NETO2: variants seen among roughly 807,000 people sequenced by gnomAD.
NETO2 encodes the protein neuropilin and tolloid like 2.
A neutral mutation model predicts 62.5 loss-of-function variants in NETO2; 28 were observed. The ratio of observed to expected loss-of-function variants is 0.45; its 90% CI spans 0.33 to 0.61. The LOEUF (loss-of-function observed/expected upper bound fraction) is 0.61. Among genes scored for constraint, NETO2 ranks in the 20% least tolerant of loss-of-function variants. The pLI is 0.02. For synonymous variants in NETO2, 214 were observed against 219.1 expected, an observed-to-expected ratio of 0.98 and a Z score of 0.21; for missense variants, 548 against 643.2, an observed-to-expected ratio of 0.85 and a Z score of 1.60.
Position 47,080,072 on chromosome 16 carries a change from G to GTCTT in NETO2, c.*3145_*3148dup. On this transcript the variant is annotated 3_prime_UTR_variant, in exon 9 of 9. Transcript: ENST00000562435. ...ACATAAGCGCTGTCGGGTTAAAGGAGTCTTTGAAATCTCTTTTGTGATGTG... is the reference window on the plus strand; with the variant it reads ...ACATAAGCGCTGTCGGGTTAAAGGAGTCTTTCTTTGAAATCTCTTTTGTGATGTG... 6.6e-6 allele frequency: 1 copy of GTCTT among 152,296 alleles called. No homozygotes were observed. Among genetic ancestry groups the GTCTT allele is most frequent in the East Asian group, 1.9e-4 (1 of 5,190 alleles). 9.4% of individuals were successfully genotyped at this position (152,296 alleles called of 1,614,324 possible).
intron 7 of NETO2, among the ~76,000 whole-genome samples, chr16:47,106,235 T>C (rs1963671488): frequency 6.6e-6 from 1 of 152,130 alleles, no homozygotes; most frequent in Non-Finnish European, 1.5e-5. Flanking sequence ...GATTCTACTA[T>C]GAGTTACCCA....
At chr16:47,129,860 G>A (rs1195834165) in intron 2 of NETO2, among the ~76,000 whole-genome samples, 1 of 152,144 alleles carries the variant, frequency 6.6e-6, no homozygotes. Flanking sequence ...TTTTTAAAAG[G>A]GTATAAACTC....
intron 6 of NETO2, among the ~76,000 whole-genome samples, chr16:47,111,421 T>C (rs1963798701): frequency 6.6e-6 from 1 of 152,240 alleles, no homozygotes; most frequent in African/African-American, 2.4e-5. Flanking sequence ...TCACAGCACT[T>C]TTCTACTGTA....
intron 6 of NETO2, among the ~76,000 whole-genome samples, chr16:47,114,196 G>C (rs975151848): frequency 6.6e-6 from 1 of 152,046 alleles, no homozygotes; most frequent in African/African-American, 2.4e-5. Context: ...ATGGAGAATA[G>C]TGCCATCTCA....
chr16:47,135,832 AAAG>A (rs1460593849), intron 1 of NETO2, among the ~76,000 whole-genome samples: 1 of 152,188 alleles, frequency 6.6e-6, no homozygotes, highest in Non-Finnish European at 1.5e-5. Context: ...TAAATACTGG[AAAG>A]AAGACAAAAT....
At chr16:47,097,253 T>C (rs1188970602) in intron 7 of NETO2, among the ~76,000 whole-genome samples, 1 of 152,160 alleles carries the variant, frequency 6.6e-6, no homozygotes, top group Non-Finnish European at 1.5e-5. Flanking sequence ...CACGGGGCCC[T>C]TCAGACGAAG....
At chr16:47,108,802 G>A (rs1001024621) in intron 7 of NETO2, among the ~76,000 whole-genome samples, 1 of 152,162 alleles carries the variant, frequency 6.6e-6, no homozygotes, top group Non-Finnish European at 1.5e-5. Flanking sequence ...GTTTTACTCT[G>A]GCTTTGAGAG....
intron 7 of NETO2, among the ~76,000 whole-genome samples, chr16:47,101,169 C>T (rs1225528377): frequency 2.0e-5 from 3 of 151,188 alleles, no homozygotes; most frequent in African/African-American, 7.2e-5. Flanking sequence ...CATAAACAGA[C>T]CCAATGAGAA....
In NETO2 at chr16:47,079,582, G is replaced by T. The variant is rs971894541; in HGVS notation, c.*3639C>A. Reference sequence around the variant, plus strand: ...TGCACTCCAGCCTGGGCGACAGAGCGAGACTCCGTCTCAAAAAAGAAAAAA... The same window carrying T: ...TGCACTCCAGCCTGGGCGACAGAGCTAGACTCCGTCTCAAAAAAGAAAAAA... On this transcript the variant is annotated 3_prime_UTR_variant, in exon 9 of 9. Transcript: ENST00000562435. The T allele has an allele frequency of 2.6e-5, 4 of 152,528 alleles. No homozygotes were observed. Among genetic ancestry groups the T allele is most frequent in the Admixed American group, 2.6e-4 (4 of 15,306 alleles). 9.4% of individuals were successfully genotyped at this position (152,528 alleles called of 1,614,324 possible).
intron 7 of NETO2, among the ~76,000 whole-genome samples, chr16:47,105,558 A>G (rs991314030): frequency 1.3e-5 from 2 of 152,188 alleles, no homozygotes; most frequent in African/African-American, 4.8e-5. Flanking sequence ...TGAAAAGACA[A>G]CAAACAGAGT....
rs1963038608 is a variant in NETO2, at chr16:47,080,166, T to TCA, written c.*3053_*3054dup. 1 of 152,238 alleles carries TCA rather than the reference T, an allele frequency of 6.6e-6. No individual in the cohort carries two copies. Among genetic ancestry groups the TCA allele is most frequent in the Non-Finnish European group, 1.5e-5 (1 of 68,040 alleles). 9.4% of individuals were successfully genotyped at this position (152,238 alleles called of 1,614,324 possible). The stretch of plus-strand genomic sequence containing the variant: ...ACTCTCCCCACACACAAAAGGAATA[T>TCA]CACATCTTATTCCTACATGCTTTAG... On this transcript the variant is annotated 3_prime_UTR_variant, in exon 9 of 9. Coordinates refer to ENST00000562435, the MANE Select transcript of NETO2 (RefSeq NM_018092.5).
chr16:47,111,154 TTCC>T (rs1235815064), intron 6 of NETO2, among the ~76,000 whole-genome samples: 2 of 152,236 alleles, frequency 1.3e-5, no homozygotes, highest in African/African-American at 4.8e-5. Context: ...CTGTGATGTC[TTCC>T]AATGGAAGGT....
intron 1 of NETO2, among the ~76,000 whole-genome samples, chr16:47,136,620 G>A: frequency 6.6e-6 from 1 of 152,008 alleles, no homozygotes; most frequent in East Asian, 1.9e-4. Flanking sequence ...TGGCCAGGCT[G>A]GTCTCAAACT....
intron 8 of NETO2, among the ~76,000 whole-genome samples, chr16:47,085,315 T>C (rs957961161): frequency 2.6e-5 from 4 of 152,208 alleles, no homozygotes; most frequent in African/African-American, 9.6e-5. Flanking sequence ...ATAAGGTATG[T>C]TTACAATACA....
intron 6 of NETO2, among the ~76,000 whole-genome samples, chr16:47,115,976 G>A (rs551413162): frequency 4.0e-5 from 6 of 151,670 alleles, no homozygotes; most frequent in East Asian, 3.9e-4. Flanking sequence ...TATAGACAAC[G>A]ATATCTTCAA....
chr16:47,140,304 T>G (rs141020908), intron 1 of NETO2, among the ~76,000 whole-genome samples: 85 of 152,302 alleles, frequency 5.6e-4, no homozygotes, highest in African/African-American at 1.9e-3. Context: ...CTCCAGTGCC[T>G]CAGGGAGACG....
At chr16:47,143,428 C>G (rs1964506357) in intron 1 of NETO2, 151 bp downstream of exon 1, 1 of 981,004 alleles carries the variant, frequency 1.0e-6, no homozygotes, top group Non-Finnish European at 1.3e-6. Context: ...GCTCGCGCCC[C>G]GCGGTCCGCT....
intron 1 of NETO2, 106 bp downstream of exon 1, chr16:47,143,473 G>A: frequency 8.5e-7 from 1 of 1,169,854 alleles, no homozygotes; most frequent in East Asian, 3.5e-5. Context: ...ACAAAGAGGC[G>A]CGTCGGGTCC....
chr16:47,132,606 C>G (rs1355668861), intron 1 of NETO2, among the ~76,000 whole-genome samples: 1 of 152,178 alleles, frequency 6.6e-6, no homozygotes, highest in African/African-American at 2.4e-5. Flanking sequence ...TTGAACATTT[C>G]TGAGACCCAA....
Sources: allele counts gnomAD v4.1 joint callset (sites outside exome capture counted in the v4.1 genomes callset), GRCh38; gene constraint gnomAD v4.1.1; transcripts MANE v1.5; gene names NCBI Gene and HGNC (gene_info 2026-07-23, HGNC 2026-07-21).